ARID1B: variants seen among roughly 807,000 people sequenced by gnomAD.
The protein encoded by ARID1B is AT-rich interaction domain 1B.
In ARID1B, 30 loss-of-function variants were observed where a neutral mutation model predicts 212.3. That is an observed-to-expected ratio of 0.14 (90% CI 0.11 to 0.19). The LOEUF (loss-of-function observed/expected upper bound fraction) is 0.19. ARID1B is among the 10% of genes least tolerant of loss of function. The pLI, the probability that ARID1B is intolerant of heterozygous loss-of-function variation, is 1.00. For synonymous variants in ARID1B, 1,402 were observed against 1,301.7 expected (o/e 1.08, Z -1.66); for missense variants, 2,891 against 3,204.0 (o/e 0.90, Z 2.36).
intron 3 of ARID1B, among the ~76,000 whole-genome samples, chr6:156,902,321 C>G (rs1273845464): frequency 6.6e-6 from 1 of 152,126 alleles, no homozygotes; most frequent in Non-Finnish European, 1.5e-5. Flanking sequence ...ATATAATTTT[C>G]CATTTTAATA....
chr6:156,861,013 G>A (rs1482330726), intron 2 of ARID1B, among the ~76,000 whole-genome samples: 1 of 152,184 alleles, frequency 6.6e-6, no homozygotes, highest in East Asian at 1.9e-4. Flanking sequence ...GAGAACAATA[G>A]CAGAGCCACG....
intron 2 of ARID1B, among the ~76,000 whole-genome samples, chr6:156,897,217 T>TGCTGCC (rs1562468261): frequency 1.3e-5 from 1 of 77,184 alleles, no homozygotes; most frequent in Non-Finnish European, 3.1e-5. Context: ...CTGCTGCTGC[T>TGCTGCC]GCTTCTTCTT....
At chr6:157,036,940 G>T in intron 4 of ARID1B, 1 of 457,940 alleles carries the variant, frequency 2.2e-6, no homozygotes, top group Non-Finnish European at 4.3e-6. Flanking sequence ...GGATTTGAAG[G>T]TTCAACAGAG....
At chr6:157,127,807 C>T (rs12214513) in intron 6 of ARID1B, among the ~76,000 whole-genome samples, 4 of 100,522 alleles carry the variant, frequency 4.0e-5, no homozygotes, top group Middle Eastern at 5.1e-3. Context: ...AAAAAAAAAA[C>T]AAAAATTAGC....
intron 13 of ARID1B, among the ~76,000 whole-genome samples, chr6:157,188,976 C>T (rs1299771740): frequency 6.6e-6 from 1 of 152,052 alleles, no homozygotes; most frequent in Non-Finnish European, 1.5e-5. Flanking sequence ...ACCCTGATAA[C>T]AGCATTAAAA....
At chr6:156,901,689 C>T (rs1354263833) in intron 3 of ARID1B, 164 bp downstream of exon 3, 34 of 899,066 alleles carry the variant, frequency 3.8e-5, no homozygotes, top group East Asian at 1.4e-4. Context: ...TCTCTCCCTC[C>T]GTCTTTTCCC....
At chr6:157,110,369 T>C in intron 5 of ARID1B, 103 bp from the exon 6 acceptor site, 1 of 962,460 alleles carries the variant, frequency 1.0e-6, no homozygotes, top group Non-Finnish European at 1.7e-6. Context: ...GCTATACCTT[T>C]TGTGATCATA....
intron 1 of ARID1B, among the ~76,000 whole-genome samples, chr6:156,822,033 G>A (rs1782387117): frequency 6.6e-6 from 1 of 151,704 alleles, no homozygotes; most frequent in Non-Finnish European, 1.5e-5. Context: ...CAGTAGAGAA[G>A]GGGTTTCACC....
chr6:156,969,870 GTTTA>G (rs1776796922), intron 4 of ARID1B, among the ~76,000 whole-genome samples: 1 of 141,946 alleles, frequency 7.0e-6, no homozygotes, highest in Non-Finnish European at 1.5e-5. Context: ...CTTCTGTCTT[GTTTA>G]TTTCTTATTA....
intron 4 of ARID1B, among the ~76,000 whole-genome samples, chr6:156,962,165 G>A (rs987224107): frequency 5.3e-5 from 8 of 152,220 alleles, no homozygotes; most frequent in Non-Finnish European, 8.8e-5. Context: ...CGGGCGTGGT[G>A]GCGGGCGCCT....
At chr6:156,977,058 G>T in intron 4 of ARID1B, 3 of 329,462 alleles carry the variant, frequency 9.1e-6, no homozygotes, top group South Asian at 2.9e-5. Flanking sequence ...GAAAATCCTG[G>T]AATTCTTTTT....
chr6:156,802,274 A>G (rs1780845100), intron 1 of ARID1B, among the ~76,000 whole-genome samples: 1 of 152,358 alleles, frequency 6.6e-6, no homozygotes, highest in East Asian at 1.9e-4. Context: ...TTTATTTCAC[A>G]TCATCATTAG....
intron 10 of ARID1B, 25 bp downstream of exon 10, chr6:157,174,142 G>A (rs2128304173): frequency 6.3e-7 from 1 of 1,599,490 alleles, no homozygotes. Context: ...TCTGCACGCG[G>A]TGTGAGGTCT....
chr6:156,782,273 T>C (rs1412001696), intron 1 of ARID1B, among the ~76,000 whole-genome samples: 1 of 152,080 alleles, frequency 6.6e-6, no homozygotes, highest in Non-Finnish European at 1.5e-5. Context: ...AATATGTTTT[T>C]AGTTTCATTT....
At chr6:157,099,035 A>G (rs9397996) in intron 5 of ARID1B, among the ~76,000 whole-genome samples, 88,586 of 151,986 alleles carry the variant, frequency 0.58, 27,904 homozygotes, top group African/African-American at 0.85. Context: ...ATGATCTCAG[A>G]TCGCTGCAGC....
At chr6:157,061,503 T>G (rs538798890) in intron 4 of ARID1B, among the ~76,000 whole-genome samples, 1 of 152,034 alleles carries the variant, frequency 6.6e-6, no homozygotes, top group East Asian at 1.9e-4. Flanking sequence ...GGGGAGGAGT[T>G]CGGGCAGTGG....
rs1225753833 is a variant in ARID1B at position 157,110,398 on chromosome 6, G to A, written c.2492-74G>A. On this transcript the variant is annotated intron_variant, in intron 5 of 19. Coordinates refer to ENST00000636930, the MANE Select transcript of ARID1B (RefSeq NM_001374828.1). ...GATCATAAAAATTAAATGTGGCTGT[G>A]TCTTGGTTTTGCATGACTGCATTAT... 6 of 1,300,112 alleles carry A rather than the reference G, an allele frequency of 4.6e-6. No homozygotes were observed. In the African/African-American group the frequency reaches 7.3e-5, roughly 16 times the overall value. The allele number at this position is 1,300,112 out of a possible 1,614,324, so 80.5% of individuals were successfully genotyped here.
chr6:156,829,333 A>G lies in ARID1B; in HGVS notation c.1898A>G (p.Tyr633Cys), dbSNP rs570309056. 1.9e-5 allele frequency: 31 copies of G among 1,614,250 alleles called. No homozygotes were observed. The highest frequency in any genetic ancestry group is 2.5e-5 in the Non-Finnish European group (30 of 1,180,038). Residue 633 changes from tyrosine to cysteine, a missense_variant, in exon 2 of 20, where the codon TAT becomes TGT. Around this residue, in one of 7 missense-constraint regions of ARID1B, gnomAD observed 1,643 missense variants for 1,544.0 expected, o/e 1.06. Coordinates refer to ENST00000636930, the MANE Select transcript of ARID1B (RefSeq NM_001374828.1). ...AGCAGTCCGTACCCAGGAGGTTCCT[A>G]TGGCCCTCCAGGCCCACAGCGGTAT... ...QQSSPYPGGSYGPPGPQRYPI... is the reference protein window; with the variant it reads ...QQSSPYPGGSCGPPGPQRYPI...
At chr6:156,795,394 T>A (rs74653119) in intron 1 of ARID1B, among the ~76,000 whole-genome samples, 1 of 152,142 alleles carries the variant, frequency 6.6e-6, no homozygotes, top group African/African-American at 2.4e-5. Flanking sequence ...GGATGAGAGA[T>A]AATTTTAGAG....
Sources: gnomAD v4.1 joint callset for allele counts (sites outside exome capture counted in the v4.1 genomes callset) on GRCh38, gnomAD v4.1.1 for gene constraint, gnomAD v4.1.1 regional missense constraint, MANE v1.5 for transcripts, NCBI Gene and HGNC (gene_info 2026-07-23, HGNC 2026-07-21) for gene names.